ZNF362: variants seen among roughly 807,000 people sequenced by gnomAD.
The protein encoded by ZNF362 is zinc finger protein 362.
A neutral mutation model predicts 42.9 loss-of-function variants in ZNF362; 11 were observed. The observed-to-expected ratio is 0.26, with a 90% CI of 0.16 to 0.42. ZNF362 has a LOEUF of 0.42. Ranked by LOEUF, ZNF362 falls within the 20% of genes least tolerant of loss-of-function variation. The pLI, the probability that ZNF362 is intolerant of heterozygous loss-of-function variation, is 1.00. For missense variants in ZNF362, 362 were observed against 576.2 expected (o/e 0.63, Z 3.81); for synonymous variants, 255 against 257.3 (o/e 0.99, Z 0.09).
the ZNF362 span, among the ~76,000 whole-genome samples, chr1:33,134,074 G>A: frequency 2.6e-5 from 4 of 152,212 alleles, no homozygotes; most frequent in East Asian, 1.9e-4. Flanking sequence ...ACCCAGATCC[G>A]CATGTTGCCA....
Position 33,298,457 on chromosome 1 carries a change from C to T in ZNF362, c.1147-473C>T, listed in dbSNP as rs560418723. Among the ~76,000 whole-genome samples, 8 of 152,324 alleles carry T rather than the reference C, an allele frequency of 5.3e-5. No homozygotes were observed. The East Asian group carries it at 1.5e-3, about 29-fold the overall frequency. On this transcript the variant is annotated intron_variant, in intron 8 of 8. Transcript: ENST00000539719. ...CCACAGCAACCTGTTGAGGTTGTTC[C>T]TCCCCTATGCCTGCTTACAGAGGAG...
the ZNF362 span, among the ~76,000 whole-genome samples, chr1:33,132,927 A>C: frequency 2.6e-5 from 4 of 152,250 alleles, no homozygotes; most frequent in African/African-American, 7.2e-5. Context: ...GGAATGTTTT[A>C]AGATGGGAGA....
chr1:33,149,200 G>A, the ZNF362 span, among the ~76,000 whole-genome samples: 2 of 152,112 alleles, frequency 1.3e-5, no homozygotes, highest in East Asian at 1.9e-4. Flanking sequence ...TCCCCCAGGC[G>A]GGAATGCAGT....
chr1:33,208,288 A>G, the ZNF362 span, among the ~76,000 whole-genome samples: 1 of 152,094 alleles, frequency 6.6e-6, no homozygotes, highest in Non-Finnish European at 1.5e-5. Context: ...ATTGATCTAT[A>G]TATCTGTTTT....
chr1:33,240,185 T>G, the ZNF362 span, among the ~76,000 whole-genome samples: 1 of 152,140 alleles, frequency 6.6e-6, no homozygotes, highest in Non-Finnish European at 1.5e-5. Context: ...CTTCATCAAG[T>G]GATCAAAGTT....
the ZNF362 span, chr1:33,181,522 C>A: frequency 1.4e-6 from 2 of 1,451,568 alleles, no homozygotes. This position sits in a 1 kb window ranked among gnomAD's most constrained non-coding sequence, Gnocchi z 6.5. Flanking sequence ...GAGGGCTGGG[C>A]GCGGGGACGA....
rs75146581 is a variant in ZNF362 at position 33,289,603 on chromosome 1, C to T, written c.909-5334C>T. On this transcript the variant is annotated intron_variant, in intron 6 of 8. Coordinates refer to ENST00000539719, the MANE Select transcript of ZNF362 (RefSeq NM_152493.3). The stretch of plus-strand genomic sequence containing the variant: ...CTGTCGGTCAGTCAGTGAGCAAACC[C>T]TCATGAAATACACCCAGAGCATGGA... 9.3e-4 allele frequency among the ~76,000 whole-genome samples: 142 copies of T among 152,344 alleles called. 3 individuals carry two copies. In the East Asian group the frequency reaches 0.021, roughly 22 times the overall value.
At chr1:33,258,868 A>G (rs991628703) in intron 1 of ZNF362, among the ~76,000 whole-genome samples, 16 of 152,220 alleles carry the variant, frequency 1.1e-4, no homozygotes, top group African/African-American at 3.9e-4. Context: ...CCTCATTATA[A>G]GGAAACCAAG....
chr1:33,282,288 C>T (rs1210222149), intron 6 of ZNF362, among the ~76,000 whole-genome samples: 1 of 152,198 alleles, frequency 6.6e-6, no homozygotes, highest in African/African-American at 2.4e-5. Context: ...TTTCCATATC[C>T]CCAGTTTGTG....
the ZNF362 span, among the ~76,000 whole-genome samples, chr1:33,155,040 C>A: frequency 2.8e-5 from 4 of 143,680 alleles, no homozygotes; most frequent in African/African-American, 1.0e-4. Context: ...TTGCAGTGAG[C>A]CGAGATCGCG....
chr1:33,155,906 T>C, the ZNF362 span, among the ~76,000 whole-genome samples: 1 of 152,224 alleles, frequency 6.6e-6, no homozygotes, highest in African/African-American at 2.4e-5. Context: ...TTCTTCTCTA[T>C]CTGCAAACCT....
rs372259506 is a variant in ZNF362 at position 33,264,785 on chromosome 1, C to A, written c.-88-5702C>A. On this transcript the variant is annotated intron_variant, in intron 1 of 8. Transcript: ENST00000539719. Reference sequence around the variant, plus strand: ...GCATGGTCTTGGGCAGGTTAGTTACCTCTCTGAGCCTCATTCCTGACCCCA... The same window carrying A: ...GCATGGTCTTGGGCAGGTTAGTTACATCTCTGAGCCTCATTCCTGACCCCA... 2.6e-5 allele frequency among the ~76,000 whole-genome samples: 4 copies of A among 152,034 alleles called. No homozygotes were observed. In the East Asian group the frequency reaches 7.8e-4, roughly 30 times the overall value.
the ZNF362 span, among the ~76,000 whole-genome samples, chr1:33,154,901 G>C: frequency 1.2e-4 from 18 of 151,888 alleles, no homozygotes; most frequent in South Asian, 3.1e-3. Context: ...AGACCATCCT[G>C]GCTAACACGG....
chr1:33,265,272 G>A (rs1195844105), intron 1 of ZNF362, among the ~76,000 whole-genome samples: 3 of 151,344 alleles, frequency 2.0e-5, no homozygotes, highest in Non-Finnish European at 2.9e-5. Flanking sequence ...CGCCCTCAGT[G>A]TCTCTGGGTA....
the ZNF362 span, chr1:33,195,432 T>A: frequency 6.6e-6 from 1 of 152,240 alleles, no homozygotes; most frequent in African/African-American, 2.4e-5. Context: ...GATGAGGATG[T>A]ATTCTGAGAA....
the ZNF362 span, among the ~76,000 whole-genome samples, chr1:33,136,023 C>A: frequency 1.3e-5 from 2 of 151,838 alleles, no homozygotes; most frequent in Non-Finnish European, 2.9e-5. Flanking sequence ...GAAGGTGGAC[C>A]CAAGCTTGTC....
In ZNF362 at chr1:33,280,013, C is replaced by A. The variant is rs1287846276; in HGVS notation, c.350-111C>A. On this transcript the variant is annotated intron_variant, in intron 4 of 8. Coordinates refer to ENST00000539719, the MANE Select transcript of ZNF362 (RefSeq NM_152493.3). This position sits in a 1 kb window ranked among gnomAD's most constrained non-coding sequence, Gnocchi z 5.6. ...TCATTTAGTTACCCCTGGGTAATAACTTATGAACGTTAAGGGGATGCTCGC... is the reference window on the plus strand; with the variant it reads ...TCATTTAGTTACCCCTGGGTAATAAATTATGAACGTTAAGGGGATGCTCGC... 2 of 1,316,470 alleles carry A rather than the reference C, an allele frequency of 1.5e-6. No homozygotes were observed. The highest frequency in any genetic ancestry group is 2.0e-6 in the Non-Finnish European group (2 of 988,080). The allele number at this position is 1,316,470 out of a possible 1,614,324, so 81.5% of individuals were successfully genotyped here.
At chr1:33,243,622 A>T in the ZNF362 span, among the ~76,000 whole-genome samples, 19 of 149,040 alleles carry the variant, frequency 1.3e-4, no homozygotes, top group African/African-American at 4.7e-4. Context: ...TTTTAGACGG[A>T]GTCTCGCTCT....
the ZNF362 span, among the ~76,000 whole-genome samples, chr1:33,191,931 G>A: frequency 1.3e-5 from 2 of 152,210 alleles, no homozygotes; most frequent in Non-Finnish European, 2.9e-5. Context: ...ATCTTGCAAG[G>A]CATCTGCCTT....
Sources: gnomAD v4.1 joint callset for allele counts (sites outside exome capture counted in the v4.1 genomes callset) on GRCh38, gnomAD v4.1.1 for gene constraint, Gnocchi (gnomAD v3.1) non-coding constraint, MANE v1.5 for transcripts, NCBI Gene and HGNC (gene_info 2026-07-23, HGNC 2026-07-21) for gene names.